SLC24A2: variants seen among roughly 807,000 people sequenced by gnomAD.
SLC24A2 encodes solute carrier family 24 member 2.
SLC24A2 carries 36 observed loss-of-function variants against 62.0 expected under a neutral mutation model. That is an observed-to-expected ratio of 0.58 (90% CI 0.44 to 0.77). The LOEUF is 0.77. SLC24A2 is among the 30% of genes least tolerant of loss of function. The pLI, the probability that SLC24A2 is intolerant of heterozygous loss-of-function variation, is 0.00. For synonymous variants in SLC24A2, 358 were observed against 294.0 expected, an observed-to-expected ratio of 1.22 and a Z score of -2.23; for missense variants, 846 against 817.9, an observed-to-expected ratio of 1.03 and a Z score of -0.42.
the SLC24A2 span, among the ~76,000 whole-genome samples, chr9:20,133,246 A>G: frequency 6.6e-6 from 1 of 152,120 alleles, no homozygotes; most frequent in Non-Finnish European, 1.5e-5. Context: ...ATGTATACAC[A>G]CACACACACA....
the SLC24A2 span, among the ~76,000 whole-genome samples, chr9:19,854,120 G>A: frequency 6.6e-6 from 1 of 152,150 alleles, no homozygotes; most frequent in Non-Finnish European, 1.5e-5. Context: ...ATGGTTGGTT[G>A]TATTTCTGTG....
At chr9:19,788,862 G>C in intron 1 of SLC24A2, 23 bp downstream of exon 1, 3 of 985,448 alleles carry the variant, frequency 3.0e-6, no homozygotes, top group Non-Finnish European at 3.6e-6. Context: ...AGCGGCAGGC[G>C]GGGCGCAGCC....
At chr9:19,683,002 G>A (rs1439701716) in intron 2 of SLC24A2, among the ~76,000 whole-genome samples, 7 of 152,102 alleles carry the variant, frequency 4.6e-5, no homozygotes, top group Non-Finnish European at 1.0e-4. Context: ...TACACATTAT[G>A]AGTGCAGTAA....
At chr9:19,959,161 TAGG>T in the SLC24A2 span, among the ~76,000 whole-genome samples, 1 of 152,006 alleles carries the variant, frequency 6.6e-6, no homozygotes, top group Non-Finnish European at 1.5e-5. Flanking sequence ...TGGCAGAACA[TAGG>T]AGAAGAATCA....
chr9:19,855,143 C>T, the SLC24A2 span, among the ~76,000 whole-genome samples: 2 of 152,032 alleles, frequency 1.3e-5, no homozygotes, highest in South Asian at 2.1e-4. Flanking sequence ...ATTTGCTTGG[C>T]AAATTTCCCT....
At chr9:19,840,608 T>G in the SLC24A2 span, among the ~76,000 whole-genome samples, 1 of 152,194 alleles carries the variant, frequency 6.6e-6, no homozygotes, top group South Asian at 2.1e-4. Flanking sequence ...ATTTTGCATT[T>G]AAATTGGTAT....
At chr9:19,712,280 C>T (rs1370316049) in intron 2 of SLC24A2, among the ~76,000 whole-genome samples, 2 of 152,128 alleles carry the variant, frequency 1.3e-5, no homozygotes, top group African/African-American at 4.8e-5. Flanking sequence ...ATTCAAAGAG[C>T]CATGAGTCTA....
the SLC24A2 span, among the ~76,000 whole-genome samples, chr9:19,861,183 T>A: frequency 6.6e-6 from 1 of 152,150 alleles, no homozygotes; most frequent in Non-Finnish European, 1.5e-5. Context: ...CTAGGGATGG[T>A]GGCTACAGGG....
the SLC24A2 span, among the ~76,000 whole-genome samples, chr9:20,164,599 A>G: frequency 6.6e-5 from 10 of 151,300 alleles, no homozygotes; most frequent in African/African-American, 2.2e-4. Flanking sequence ...ATCTAGAACT[A>G]GAAATACCAT....
chr9:19,795,488 CTG>C, the SLC24A2 span, among the ~76,000 whole-genome samples: 1 of 152,184 alleles, frequency 6.6e-6, no homozygotes, highest in Non-Finnish European at 1.5e-5. Context: ...TATTGAAAAA[CTG>C]TAAATCTTTC....
chr9:19,566,934 G>C (rs1254662341), intron 7 of SLC24A2, among the ~76,000 whole-genome samples: 3 of 151,600 alleles, frequency 2.0e-5, no homozygotes, highest in Admixed American at 6.6e-5. Context: ...CACAGGACGG[G>C]GAACATCACA....
the SLC24A2 span, among the ~76,000 whole-genome samples, chr9:20,212,019 A>G: frequency 1.4e-4 from 22 of 152,230 alleles, no homozygotes; most frequent in East Asian, 5.8e-4. Flanking sequence ...AATAATTAAT[A>G]TATCAGAAAT....
the SLC24A2 span, among the ~76,000 whole-genome samples, chr9:20,216,023 C>G: frequency 6.6e-6 from 1 of 152,172 alleles, no homozygotes; most frequent in South Asian, 2.1e-4. Flanking sequence ...CCTTCTGTTA[C>G]TTACAGCAGG....
chr9:19,560,441 C>G (rs546252357), intron 7 of SLC24A2, among the ~76,000 whole-genome samples: 1 of 152,090 alleles, frequency 6.6e-6, no homozygotes, highest in South Asian at 2.1e-4. Context: ...TAAGATATAC[C>G]AGAAGGCTTG....
the SLC24A2 span, among the ~76,000 whole-genome samples, chr9:20,093,231 C>A: frequency 6.6e-6 from 1 of 151,904 alleles, no homozygotes; most frequent in South Asian, 2.1e-4. Context: ...CACGACCACA[C>A]CTGGCTAATT....
intron 2 of SLC24A2, among the ~76,000 whole-genome samples, chr9:19,641,661 C>T (rs1403501449): frequency 6.6e-6 from 1 of 151,950 alleles, no homozygotes; most frequent in Non-Finnish European, 1.5e-5. Flanking sequence ...ACCACAGGTG[C>T]GTGCCACCGT....
chr9:20,268,986 C>G, the SLC24A2 span, among the ~76,000 whole-genome samples: 15 of 152,276 alleles, frequency 9.9e-5, no homozygotes, highest in African/African-American at 3.6e-4. Flanking sequence ...CCTTTTGCAG[C>G]TAAGGATTTT....
chr9:19,803,043 T>C, the SLC24A2 span, among the ~76,000 whole-genome samples: 25 of 152,308 alleles, frequency 1.6e-4, no homozygotes, highest in South Asian at 2.5e-3. Flanking sequence ...ACTGAATCTG[T>C]TGACACTTTG....
the SLC24A2 span, among the ~76,000 whole-genome samples, chr9:20,018,931 G>A: frequency 6.6e-6 from 1 of 151,924 alleles, no homozygotes; most frequent in Non-Finnish European, 1.5e-5. Context: ...AGGCATGGTG[G>A]TGTGCACCTG....
Sources: allele counts gnomAD v4.1 joint callset (sites outside exome capture counted in the v4.1 genomes callset), GRCh38; gene constraint gnomAD v4.1.1; transcripts MANE v1.5; gene names NCBI Gene and HGNC (gene_info 2026-07-23, HGNC 2026-07-21).